CASK: variants seen among roughly 807,000 people sequenced by gnomAD.
CASK encodes calcium/calmodulin dependent serine protein kinase, also known as peripheral plasma membrane protein CASK.
A neutral mutation model predicts 82.9 loss-of-function variants in CASK; 4 were observed. The ratio of observed to expected loss-of-function variants is 0.05; its 90% CI spans 0.02 to 0.11. The LOEUF is 0.11. CASK is among the 10% of genes least tolerant of loss of function. The pLI is 1.00. For missense variants in CASK, 358 were observed against 720.9 expected (o/e 0.50, Z 5.76); for synonymous variants, 259 against 253.5 (o/e 1.02, Z -0.20).
At chrX:41,772,792 G>C (rs973446119) in intron 3 of CASK, among the ~76,000 whole-genome samples, 1 of 111,016 alleles carries the variant, frequency 9.0e-6, no homozygotes, top group African/African-American at 3.3e-5. Context: ...CTGAGGTAAC[G>C]AGTTTGAGAC....
chrX:41,524,397 T>C (rs1282088915), intron 25 of CASK: 1 of 186,803 alleles, frequency 5.4e-6, no homozygotes, highest in Non-Finnish European at 9.8e-6. Context: ...AAGGGGAGAC[T>C]TGGACCTGCC....
intron 24 of CASK, among the ~76,000 whole-genome samples, 199 bp from the exon 25 acceptor site, chrX:41,531,408 T>C (rs1000306004): frequency 8.0e-5 from 9 of 111,882 alleles, no homozygotes; most frequent in African/African-American, 2.9e-4. Flanking sequence ...CATCACACCA[T>C]AGTAGCCAGT....
chrX:41,837,422 C>T (rs1225265275), intron 2 of CASK, among the ~76,000 whole-genome samples: 1 of 111,692 alleles, frequency 9.0e-6, no homozygotes, highest in African/African-American at 3.3e-5. Flanking sequence ...AGAACTGCTA[C>T]ATAATAATCC....
At chrX:41,828,936 T>C (rs1481877909) in intron 2 of CASK, among the ~76,000 whole-genome samples, 1 of 112,353 alleles carries the variant, frequency 8.9e-6, no homozygotes, top group Non-Finnish European at 1.9e-5. Context: ...AAGATATCTA[T>C]GTTTTCTTTC....
chrX:41,565,905 T>A (rs2065309015), intron 16 of CASK, among the ~76,000 whole-genome samples: 1 of 111,734 alleles, frequency 8.9e-6, no homozygotes, highest in South Asian at 3.7e-4. Flanking sequence ...GTCAGCTTCA[T>A]CCCTGGGATG....
chrX:41,669,044 A>C (rs2067158377), intron 6 of CASK, among the ~76,000 whole-genome samples: 1 of 111,672 alleles, frequency 9.0e-6, no homozygotes, highest in Non-Finnish European at 1.9e-5. Context: ...AAAATTTCAA[A>C]AGTACCTTAA....
intron 1 of CASK, among the ~76,000 whole-genome samples, chrX:41,859,658 A>C (rs1479933594): frequency 1.8e-5 from 2 of 112,082 alleles, no homozygotes; most frequent in South Asian, 7.4e-4. Context: ...TAAGCACAAG[A>C]AGGCTGTGAT....
chrX:41,612,893 C>T (rs2066114748), intron 11 of CASK, among the ~76,000 whole-genome samples: 1 of 98,483 alleles, frequency 1.0e-5, no homozygotes, highest in African/African-American at 3.8e-5. Context: ...GGGGGTCAGC[C>T]CCCCGCCCGG....
chrX:41,905,849 G>C (rs2072461233), intron 1 of CASK, among the ~76,000 whole-genome samples: 1 of 112,785 alleles, frequency 8.9e-6, no homozygotes, highest in Admixed American at 9.3e-5. Flanking sequence ...AATCGTTTTA[G>C]ATAGATCAAG....
Position 41,727,391 on chromosome X carries a change from T to C in CASK, c.429+11993A>G, listed in dbSNP as rs757699329. 5.0e-6 allele frequency: 6 copies of C among 1,209,011 alleles called. No homozygotes were observed. The East Asian group carries it at 1.8e-4, about 36-fold the overall frequency. On this transcript the variant is annotated intron_variant, in intron 5 of 26. Coordinates refer to ENST00000378163, the MANE Select transcript of CASK (RefSeq NM_001367721.1). ...GCCATAAGCCGCTATGCTACCTTAATGCAAAAGGATTCCTCGCAAGAGACT... is the reference window on the plus strand; with the variant it reads ...GCCATAAGCCGCTATGCTACCTTAACGCAAAAGGATTCCTCGCAAGAGACT...
chrX:41,552,394 C>T (rs2065112567), intron 21 of CASK, among the ~76,000 whole-genome samples: 1 of 111,436 alleles, frequency 9.0e-6, no homozygotes, highest in Non-Finnish European at 1.9e-5. Context: ...ACTGCCATCA[C>T]TCAGGATTCC....
intron 3 of CASK, among the ~76,000 whole-genome samples, chrX:41,777,739 A>G (rs1417640190): frequency 9.0e-6 from 1 of 111,118 alleles, no homozygotes; most frequent in Non-Finnish European, 1.9e-5. Flanking sequence ...TAATTCTTTA[A>G]GTTGTATATT....
chrX:41,805,808 T>A (rs2070109142), intron 2 of CASK, among the ~76,000 whole-genome samples: 1 of 111,105 alleles, frequency 9.0e-6, no homozygotes, highest in African/African-American at 3.3e-5. Flanking sequence ...CCAAGATGAC[T>A]TTAAGGAGAG....
At chrX:41,833,558 A>T (rs2070868908) in intron 2 of CASK, among the ~76,000 whole-genome samples, 1 of 111,375 alleles carries the variant, frequency 9.0e-6, no homozygotes, top group Non-Finnish European at 1.9e-5. Context: ...GAAAATAGGT[A>T]GCAATGACAG....
At chrX:41,829,696 G>GAT (rs55730177) in intron 2 of CASK, among the ~76,000 whole-genome samples, 11 of 16,261 alleles carry the variant, frequency 6.8e-4, no homozygotes, top group Non-Finnish European at 9.5e-4. Context: ...TAGGTCACAA[G>GAT]ATATATATAT....
At chrX:41,806,819 C>A (rs1218139706) in intron 2 of CASK, among the ~76,000 whole-genome samples, 4 of 111,373 alleles carry the variant, frequency 3.6e-5, no homozygotes, top group Non-Finnish European at 7.5e-5. Flanking sequence ...CACACAGCTA[C>A]AATATTTACA....
At chrX:41,803,984 ATAAAAG>A (rs781315412) in intron 2 of CASK, among the ~76,000 whole-genome samples, 8 of 111,949 alleles carry the variant, frequency 7.1e-5, no homozygotes, top group Non-Finnish European at 1.3e-4. Flanking sequence ...CATTACTTAG[ATAAAAG>A]TAAAACCCAA....
rs576467154 is a variant in CASK, at chrX:41,872,896, T to A, written c.60-19669A>T. On this transcript the variant is annotated intron_variant, in intron 1 of 26. Transcript: ENST00000378163. ...TTCAAATCACCTCATGGAACTAATC[T>A]AGCACTAATCCTGTATAAGATGTCT... 8.1e-5 allele frequency among the ~76,000 whole-genome samples: 9 copies of A among 111,071 alleles called. No homozygotes were observed. The South Asian group carries it at 3.5e-3, about 43-fold the overall frequency.
chrX:41,697,341 TTAACA>T, intron 5 of CASK: 1 of 123,796 alleles, frequency 8.1e-6, no homozygotes. Context: ...ATAGTAAAAA[TTAACA>T]GATAAGCTAA....
Sources: allele counts gnomAD v4.1 joint callset (sites outside exome capture counted in the v4.1 genomes callset), GRCh38; gene constraint gnomAD v4.1.1; transcripts MANE v1.5; gene names NCBI Gene and HGNC (gene_info 2026-07-23, HGNC 2026-07-21).